Variants in MTUS2 observed in about 807,000 individuals in gnomAD.
The protein encoded by MTUS2 is microtubule-associated tumor suppressor candidate 2.
Under a neutral mutation model 114.1 loss-of-function variants are expected in MTUS2, and 40 were observed. The observed-to-expected ratio is 0.35, with a 90% confidence interval of 0.27 to 0.46. MTUS2 has a LOEUF of 0.46. Ranked by LOEUF, MTUS2 falls within the 20% of genes least tolerant of loss-of-function variation. The probability of loss-of-function intolerance (pLI) is 1.00; values close to 1 mark genes in which losing one functional copy is unlikely to be tolerated. For missense variants in MTUS2, 1,679 were observed against 1,705.4 expected (o/e 0.98, Z 0.27); for synonymous variants, 688 against 672.0 (o/e 1.02, Z -0.37).
rs199613895 is a variant in MTUS2, at chr13:28,962,548, G to C, written c.-242-61909G>C. Among the ~76,000 whole-genome samples the C allele has an allele frequency of 2.6e-4, 39 of 152,258 alleles. No homozygotes were observed. In the East Asian group the frequency reaches 6.7e-3, roughly 26 times the overall value. On this transcript the variant is annotated intron_variant, in intron 2 of 15. Transcript: ENST00000612955. ...GATGGCAGGTCACTCTGAGGAATTA[G>C]TGGAAATGAAGTTTCTTTAAAAGAA...
rs559883343 is a variant in MTUS2, at chr13:29,342,733, T to A, written c.2906-16529T>A. On this transcript the variant is annotated intron_variant, in intron 7 of 15. Coordinates refer to ENST00000612955, the MANE Select transcript of MTUS2 (RefSeq NM_001033602.4). ...GGTGAAAGTGGGCATCCTTGACTTG[T>A]TCCAGTTCTCAGAGGGAATGCTTTC... Among the ~76,000 whole-genome samples the A allele has an allele frequency of 7.9e-5, 12 of 152,272 alleles. 1 individual carries two copies. The East Asian group carries it at 2.3e-3, about 29-fold the overall frequency.
At chr13:29,314,138 A>C (rs1407991114) in intron 6 of MTUS2, among the ~76,000 whole-genome samples, 1 of 152,210 alleles carries the variant, frequency 6.6e-6, no homozygotes, top group Admixed American at 6.5e-5. Flanking sequence ...ATTTCCCAGA[A>C]TGATGATGTG....
At chr13:29,455,243 C>T (rs1020504312) in intron 9 of MTUS2, among the ~76,000 whole-genome samples, 4 of 152,140 alleles carry the variant, frequency 2.6e-5, no homozygotes, top group Admixed American at 6.5e-5. Context: ...GGGGGTTTCC[C>T]GTGTGATCTT....
At chr13:29,444,772 G>T (rs900460886) in intron 9 of MTUS2, among the ~76,000 whole-genome samples, 1 of 152,226 alleles carries the variant, frequency 6.6e-6, no homozygotes, top group Non-Finnish European at 1.5e-5. Context: ...GCACAGGTGG[G>T]TGGGGAAAAG....
chr13:28,925,554 G>A (rs189712106), intron 2 of MTUS2, among the ~76,000 whole-genome samples: 1 of 152,196 alleles, frequency 6.6e-6, no homozygotes, highest in East Asian at 1.9e-4. Context: ...GACTTGGTGG[G>A]GCTCACATTT....
chr13:28,857,923 A>G (rs1235299272), intron 2 of MTUS2, among the ~76,000 whole-genome samples: 1 of 152,206 alleles, frequency 6.6e-6, no homozygotes, highest in African/African-American at 2.4e-5. Flanking sequence ...CTGGGCACTA[A>G]GAACACTGTA....
chr13:28,925,852 A>G (rs368725439), intron 2 of MTUS2, among the ~76,000 whole-genome samples: 3 of 152,236 alleles, frequency 2.0e-5, no homozygotes, highest in Admixed American at 1.3e-4. Context: ...CTTGTGGTGG[A>G]TGGTTGCTCT....
intron 5 of MTUS2, among the ~76,000 whole-genome samples, chr13:29,281,264 A>G (rs1863011195): frequency 6.6e-6 from 1 of 152,166 alleles, no homozygotes; most frequent in Non-Finnish European, 1.5e-5. Flanking sequence ...ACATGTGTAT[A>G]TTCCTATTCT....
Position 29,060,297 on chromosome 13 carries a change from G to A in MTUS2, c.2446+26172G>A, listed in dbSNP as rs577444250. ...CTCTCTGCCTCAATTTAGAAGCATA[G>A]GGGTGGGGCGGGGTGTCAAGGGGAT... On this transcript the variant is annotated intron_variant, in intron 4 of 15. Coordinates refer to ENST00000612955, the MANE Select transcript of MTUS2 (RefSeq NM_001033602.4). Among the ~76,000 whole-genome samples, 9 of 152,270 alleles carry A rather than the reference G, an allele frequency of 5.9e-5. No homozygotes were observed. The East Asian group carries it at 1.5e-3, about 26-fold the overall frequency.
chr13:29,031,912 C>T (rs1051221963), intron 3 of MTUS2, among the ~76,000 whole-genome samples: 1 of 151,984 alleles, frequency 6.6e-6, no homozygotes, highest in Non-Finnish European at 1.5e-5. Flanking sequence ...AGAGGGACAG[C>T]CTGGTAAGAA....
chr13:29,424,332 G>A (rs953010391), intron 8 of MTUS2, among the ~76,000 whole-genome samples: 1 of 150,970 alleles, frequency 6.6e-6, no homozygotes, highest in African/African-American at 2.4e-5. Context: ...CCATAAATGT[G>A]TACAAATATG....
At chr13:28,973,090 A>T (rs1383097704) in intron 2 of MTUS2, among the ~76,000 whole-genome samples, 2 of 152,200 alleles carry the variant, frequency 1.3e-5, no homozygotes, top group African/African-American at 4.8e-5. Context: ...AAAAATCCCT[A>T]GCATTATTTT....
intron 4 of MTUS2, among the ~76,000 whole-genome samples, chr13:29,060,772 C>T (rs1053350102): frequency 1.4e-5 from 2 of 147,756 alleles, no homozygotes; most frequent in African/African-American, 2.5e-5. Flanking sequence ...CTTTTTATCC[C>T]CTTTCACTCC....
intron 2 of MTUS2, among the ~76,000 whole-genome samples, chr13:28,924,246 T>A (rs879425625): frequency 5.3e-5 from 8 of 152,252 alleles, no homozygotes; most frequent in Non-Finnish European, 1.0e-4. Flanking sequence ...TTCAGAATCC[T>A]GCTTTGGCTA....
intron 4 of MTUS2, among the ~76,000 whole-genome samples, chr13:29,084,522 C>T (rs1889585203): frequency 1.9e-5 from 1 of 51,940 alleles, no homozygotes; most frequent in African/African-American, 6.3e-5. Flanking sequence ...CCCCTCCCCT[C>T]CCCTCTCCCC....
At chr13:29,414,402 A>G (rs1158120466) in intron 8 of MTUS2, among the ~76,000 whole-genome samples, 1 of 127,072 alleles carries the variant, frequency 7.9e-6, no homozygotes, top group Non-Finnish European at 1.7e-5. Flanking sequence ...ACATGTATAC[A>G]TATGTAACTA....
chr13:29,505,121 G>A lies in MTUS2; in HGVS notation c.*1915G>A. On this transcript the variant is annotated 3_prime_UTR_variant, in exon 16 of 16. Transcript: ENST00000612955. ...TGCATGATACTGTGATATTGAGTTG[G>A]GCATTCCATTAGAGTAGATCTTGCC... 1 of 232,082 alleles carries A rather than the reference G, an allele frequency of 4.3e-6. No individual in the cohort carries two copies. The highest frequency in any genetic ancestry group is 8.5e-6 in the Non-Finnish European group (1 of 117,138). The allele number at this position is 232,082 out of a possible 1,614,324, so 14.4% of individuals were successfully genotyped here. A position where few individuals can be genotyped will look rare whatever the true frequency, so the allele number is the denominator to read the frequency against.
rs1010581870 is a variant in MTUS2, at chr13:29,185,131, A to G, written c.2644+84161A>G. Among the ~76,000 whole-genome samples the G allele has an allele frequency of 3.3e-5, 5 of 152,164 alleles. No homozygotes were observed. The South Asian group carries it at 6.2e-4, about 19-fold the overall frequency. ...TAGAAAATCTAGAGTTGAAAAGTAC[A>G]ATGACTGAAATAAGAAATTTACTAG... On this transcript the variant is annotated intron_variant, in intron 5 of 15. Transcript: ENST00000612955.
chr13:29,181,042 A>G (rs991768794), intron 5 of MTUS2, among the ~76,000 whole-genome samples: 2 of 152,178 alleles, frequency 1.3e-5, no homozygotes, highest in Non-Finnish European at 2.9e-5. Flanking sequence ...AGGTGTTAAA[A>G]TCTTCCAGAA....
Sources: gnomAD v4.1 joint callset for allele counts (sites outside exome capture counted in the v4.1 genomes callset) on GRCh38, gnomAD v4.1.1 for gene constraint, MANE v1.5 for transcripts, NCBI Gene and HGNC (gene_info 2026-07-23, HGNC 2026-07-21) for gene names.